Variants in USH2A observed in about 807,000 individuals in gnomAD.
The protein encoded by USH2A is Usher syndrome 2A (autosomal recessive, mild).
USH2A carries 443 observed loss-of-function variants against 538.9 expected under a neutral mutation model. The observed-to-expected ratio is 0.82, with a 90% CI of 0.76 to 0.89. The LOEUF is 0.89. Among genes scored for constraint, USH2A ranks in the 40% least tolerant of loss-of-function variants. The pLI is 0.00. For synonymous variants in USH2A, 2,413 were observed against 2,273.5 expected (o/e 1.06, Z -1.75); for missense variants, 6,633 against 6,324.8 (o/e 1.05, Z -1.65).
intron 61 of USH2A, among the ~76,000 whole-genome samples, chr1:215,727,712 G>A (rs547760800): frequency 5.0e-4 from 75 of 148,730 alleles, no homozygotes; most frequent in African/African-American, 1.9e-3. Flanking sequence ...GTGACAGAAT[G>A]AGAGCCTGTC....
chr1:216,278,824 T>TA (rs1347574680), intron 11 of USH2A, among the ~76,000 whole-genome samples: 3 of 152,230 alleles, frequency 2.0e-5, no homozygotes, highest in Non-Finnish European at 4.4e-5. Context: ...GACAAATACC[T>TA]AATTCTGAAC....
chr1:216,329,555 A>G (rs1358581433), intron 4 of USH2A, among the ~76,000 whole-genome samples: 1 of 152,012 alleles, frequency 6.6e-6, no homozygotes, highest in Non-Finnish European at 1.5e-5. Flanking sequence ...TTTTTTCTTT[A>G]CCTTCAACTA....
Position 215,986,674 on chromosome 1 carries a change from T to C in USH2A, c.6805+6346A>G, listed in dbSNP as rs530610527. ...GCAGGCCAAGAGGAAGATTCCTCTC[T>C]GCTGTCTTTGAAATCATCCCACCTA... On this transcript the variant is annotated intron_variant, in intron 35 of 71. Transcript: ENST00000307340. 5.9e-5 allele frequency among the ~76,000 whole-genome samples: 9 copies of C among 152,342 alleles called. No individual in the cohort carries two copies. In the South Asian group the frequency reaches 1.9e-3, roughly 32 times the overall value.
intron 2 of USH2A, among the ~76,000 whole-genome samples, chr1:216,421,097 C>T (rs930885794): frequency 2.0e-5 from 3 of 151,962 alleles, no homozygotes; most frequent in African/African-American, 4.8e-5. Flanking sequence ...TTAGAAGAAA[C>T]TCATTAGATA....
intron 11 of USH2A, among the ~76,000 whole-genome samples, chr1:216,282,734 A>G (rs752751596): frequency 1.3e-5 from 2 of 152,134 alleles, no homozygotes; most frequent in Non-Finnish European, 2.9e-5. Flanking sequence ...TTAGGATCAT[A>G]TGGTCAATGT....
At chr1:215,782,013 T>G (rs1404135754) in intron 54 of USH2A, 29 bp downstream of exon 54, 1 of 1,613,538 alleles carries the variant, frequency 6.2e-7, no homozygotes, top group Non-Finnish European at 8.5e-7. Context: ...TGAACCCCTT[T>G]TCCCAGAGTT....
At position 215,741,490 on chromosome 1, in the gene USH2A, C is replaced by G. The variant is rs1571639421; in HGVS notation, c.11596G>C (p.Ala3866Pro). 1 of 1,613,622 alleles carries G rather than the reference C, an allele frequency of 6.2e-7. No individual in the cohort carries two copies. Among genetic ancestry groups the G allele is most frequent in the African/African-American group, 1.3e-5 (1 of 74,816 alleles). Reference protein sequence around the residue: ...SRMFVKTPEAAPMDLNSPVLK... With the variant: ...SRMFVKTPEAPPMDLNSPVLK... ...ACAGGAGAATTAAGATCCATTGGGG[C>G]TGCTTCAGGTGTTTTGACAAACATC... Residue 3866 changes from alanine (A) to proline (P), a missense_variant, in exon 60 of 72, where the codon GCC (alanine) becomes CCC (proline). Ala to Pro is a conservative substitution (Grantham distance 27). Transcript: ENST00000307340.
At chr1:216,007,349 G>T (rs571992318) in intron 32 of USH2A, among the ~76,000 whole-genome samples, 3 of 148,762 alleles carry the variant, frequency 2.0e-5, no homozygotes, top group African/African-American at 7.4e-5. Context: ...TCAGGAGGCA[G>T]AAAAAAAAAC....
At chr1:216,158,423 G>A (rs1424476129) in intron 21 of USH2A, among the ~76,000 whole-genome samples, 1 of 151,886 alleles carries the variant, frequency 6.6e-6, no homozygotes, top group Non-Finnish European at 1.5e-5. Context: ...TTGTAGAGAT[G>A]AGGTCTCACT....
chr1:215,798,777 C>T (rs1662212218), intron 50 of USH2A, 130 bp downstream of exon 50: 1 of 1,037,904 alleles, frequency 9.6e-7, no homozygotes, highest in Non-Finnish European at 1.5e-6. Flanking sequence ...ACAATATGTT[C>T]CTAATTATTG....
chr1:215,912,153 C>T lies in USH2A; in HGVS notation c.7301-11248G>A, dbSNP rs115740256. ...ACTTTCTTCCATTCTGTGGGGTGTT[C>T]CTTCACTTCGTTGATTGCATCCTTT... On this transcript the variant is annotated intron_variant, in intron 38 of 71. Transcript: ENST00000307340. Among the ~76,000 whole-genome samples the T allele has an allele frequency of 8.0e-3, 1,211 of 151,846 alleles. 12 individuals are homozygous for T. Among genetic ancestry groups the T allele is most frequent in the African/African-American group, 0.028 (1,161 of 41,472 alleles).
chr1:216,310,554 C>T (rs1339041161), intron 9 of USH2A, among the ~76,000 whole-genome samples: 2 of 151,922 alleles, frequency 1.3e-5, no homozygotes, highest in African/African-American at 2.4e-5. Context: ...TCTCCTCGAC[C>T]ATATATTTTC....
intron 21 of USH2A, among the ~76,000 whole-genome samples, chr1:216,151,021 C>A (rs542239539): frequency 3.7e-4 from 57 of 152,248 alleles, no homozygotes; most frequent in African/African-American, 1.3e-3. Context: ...TCCTTGGCTA[C>A]CTTCCCCTTG....
At chr1:216,144,059 G>C (rs1184696734) in intron 21 of USH2A, among the ~76,000 whole-genome samples, 1 of 152,156 alleles carries the variant, frequency 6.6e-6, no homozygotes, top group Non-Finnish European at 1.5e-5. Flanking sequence ...TGGATTTAAA[G>C]GGATCTTAAG....
intron 2 of USH2A, among the ~76,000 whole-genome samples, chr1:216,420,306 C>T (rs150706250): frequency 3.5e-4 from 54 of 152,140 alleles, no homozygotes; most frequent in African/African-American, 1.2e-3. Context: ...ATCTTCCTTG[C>T]TATTTTGTTT....
At chr1:215,981,056 A>C (rs2102466803) in intron 35 of USH2A, among the ~76,000 whole-genome samples, 1 of 152,266 alleles carries the variant, frequency 6.6e-6, no homozygotes, top group South Asian at 2.1e-4. Flanking sequence ...ATGTGAGTCC[A>C]TGTGAGTTCT....
chr1:216,353,149 G>A (rs1356094452), intron 4 of USH2A, among the ~76,000 whole-genome samples: 1 of 152,040 alleles, frequency 6.6e-6, no homozygotes, highest in Non-Finnish European at 1.5e-5. Flanking sequence ...CTTAAGTTGA[G>A]TAAGGAGGGA....
chr1:216,178,590 T>C (rs1283029667), intron 20 of USH2A, among the ~76,000 whole-genome samples: 1 of 152,154 alleles, frequency 6.6e-6, no homozygotes, highest in Non-Finnish European at 1.5e-5. Context: ...AATGTTTAAA[T>C]TGAAATTTGC....
At chr1:216,408,903 C>T (rs1393010012) in intron 3 of USH2A, among the ~76,000 whole-genome samples, 1 of 152,098 alleles carries the variant, frequency 6.6e-6, no homozygotes, top group Non-Finnish European at 1.5e-5. Flanking sequence ...GGTATGGTGA[C>T]CACCTCACAT....
Sources: gnomAD v4.1 joint callset for allele counts (sites outside exome capture counted in the v4.1 genomes callset) on GRCh38, gnomAD v4.1.1 for gene constraint, MANE v1.5 for transcripts, NCBI Gene and HGNC (gene_info 2026-07-23, HGNC 2026-07-21) for gene names.